The following CDKAL1 variants were observed in gnomAD, a reference collection of about 807,000 sequenced individuals.
The protein encoded by CDKAL1 is CDKAL1 threonylcarbamoyladenosine tRNA methylthiotransferase.
In CDKAL1, 32 loss-of-function variants were observed where a neutral mutation model predicts 68.2. That is an observed-to-expected ratio of 0.47 (90% CI 0.35 to 0.63). CDKAL1 has a LOEUF of 0.63. Among genes scored for constraint, CDKAL1 ranks in the 30% least tolerant of loss-of-function variants. The pLI is 0.00. For missense variants in CDKAL1, 606 were observed against 696.7 expected (o/e 0.87, Z 1.47); for synonymous variants, 234 against 244.3 (o/e 0.96, Z 0.39).
intron 4 of CDKAL1, among the ~76,000 whole-genome samples, chr6:20,560,091 T>C (rs1764209407): frequency 6.6e-6 from 1 of 152,184 alleles, no homozygotes; most frequent in Non-Finnish European, 1.5e-5. Context: ...AAAGACATGA[T>C]GTATTTTTAG....
intron 5 of CDKAL1, among the ~76,000 whole-genome samples, chr6:20,737,624 G>A (rs768300481): frequency 1.3e-5 from 2 of 152,224 alleles, no homozygotes; most frequent in Admixed American, 6.5e-5. Context: ...GTTTGATAAG[G>A]TATTTCACAT....
At chr6:21,009,613 A>G (rs1052609400) in intron 11 of CDKAL1, among the ~76,000 whole-genome samples, 1 of 152,218 alleles carries the variant, frequency 6.6e-6, no homozygotes, top group Non-Finnish European at 1.5e-5. Context: ...CTAAATGTCC[A>G]TCATCAGATG....
chr6:21,130,459 A>C (rs953829213), intron 13 of CDKAL1, among the ~76,000 whole-genome samples: 1 of 152,166 alleles, frequency 6.6e-6, no homozygotes, highest in Non-Finnish European at 1.5e-5. Context: ...TCCTGACCTC[A>C]GGTGATCCAC....
intron 13 of CDKAL1, among the ~76,000 whole-genome samples, chr6:21,177,367 T>C (rs1002547512): frequency 6.6e-6 from 1 of 152,204 alleles, no homozygotes; most frequent in Non-Finnish European, 1.5e-5. Context: ...CCCTTACACA[T>C]ACACACTTAA....
At chr6:21,162,187 GT>G (rs1776956228) in intron 13 of CDKAL1, among the ~76,000 whole-genome samples, 1 of 152,134 alleles carries the variant, frequency 6.6e-6, no homozygotes, top group African/African-American at 2.4e-5. Flanking sequence ...TAGAAGTAAG[GT>G]TTTTAATTTC....
chr6:20,693,613 C>T (rs1310707444), intron 5 of CDKAL1, among the ~76,000 whole-genome samples: 1 of 152,158 alleles, frequency 6.6e-6, no homozygotes, highest in African/African-American at 2.4e-5. Flanking sequence ...TTATATTAGC[C>T]AATGCCTAGC....
At chr6:20,944,719 T>C (rs1259978945) in intron 9 of CDKAL1, among the ~76,000 whole-genome samples, 3 of 152,248 alleles carry the variant, frequency 2.0e-5, no homozygotes, top group African/African-American at 4.8e-5. Flanking sequence ...TATTCCTCTA[T>C]AGAAGCAGAC....
intron 6 of CDKAL1, among the ~76,000 whole-genome samples, chr6:20,743,370 T>G (rs1008870169): frequency 6.6e-5 from 10 of 152,172 alleles, no homozygotes; most frequent in African/African-American, 2.2e-4. Context: ...AAAACTTCCA[T>G]GAGGTGGGGA....
At chr6:21,172,575 C>T (rs969221995) in intron 13 of CDKAL1, among the ~76,000 whole-genome samples, 51 of 152,166 alleles carry the variant, frequency 3.4e-4, no homozygotes, top group African/African-American at 1.1e-3. Context: ...AGCAACATAG[C>T]GAGACTTCTT....
chr6:20,926,963 T>C (rs1347375445), intron 9 of CDKAL1, among the ~76,000 whole-genome samples: 1 of 150,138 alleles, frequency 6.7e-6, no homozygotes, highest in East Asian at 1.9e-4. Flanking sequence ...ATGAATAGAA[T>C]GGCTCTATAG....
intron 12 of CDKAL1, among the ~76,000 whole-genome samples, chr6:21,065,708 C>A (rs1771403086): frequency 7.0e-6 from 1 of 143,342 alleles, no homozygotes; most frequent in Admixed American, 7.1e-5. Flanking sequence ...TCACAACGAG[C>A]CTCAATTTAA....
At chr6:20,892,830 A>C (rs1761477773) in intron 9 of CDKAL1, among the ~76,000 whole-genome samples, 1 of 152,222 alleles carries the variant, frequency 6.6e-6, no homozygotes, top group Admixed American at 6.5e-5. Flanking sequence ...CAGTTGCCTT[A>C]AGCATCTGTC....
At chr6:20,943,328 CAAAA>C (rs34759060) in intron 9 of CDKAL1, among the ~76,000 whole-genome samples, 1 of 51,014 alleles carries the variant, frequency 2.0e-5, no homozygotes, top group Non-Finnish European at 5.5e-5. Context: ...CTTGTTTTTT[CAAAA>C]AAAAAAAAAA....
At chr6:21,207,492 G>C (rs1438039564) in intron 15 of CDKAL1, among the ~76,000 whole-genome samples, 1 of 152,034 alleles carries the variant, frequency 6.6e-6, no homozygotes, top group Admixed American at 6.6e-5. Flanking sequence ...CCCAGCCTGG[G>C]TGAAAGAATG....
At chr6:20,880,930 C>A (rs1760780627) in intron 9 of CDKAL1, among the ~76,000 whole-genome samples, 1 of 152,152 alleles carries the variant, frequency 6.6e-6, no homozygotes, top group Non-Finnish European at 1.5e-5. Context: ...GGCAAGGGAC[C>A]ATCGGCTCTG....
intron 12 of CDKAL1, among the ~76,000 whole-genome samples, chr6:21,099,767 T>C (rs1325655660): frequency 6.6e-6 from 1 of 152,262 alleles, no homozygotes; most frequent in African/African-American, 2.4e-5. Flanking sequence ...TTAGTGCCCT[T>C]TGACTTTGTC....
chr6:21,035,122 C>T (rs1276847069), intron 11 of CDKAL1, among the ~76,000 whole-genome samples: 1 of 152,054 alleles, frequency 6.6e-6, no homozygotes, highest in Non-Finnish European at 1.5e-5. Flanking sequence ...GATATTTGTG[C>T]TTGAGGTTCA....
At chr6:20,807,913 G>A (rs1776641558) in intron 8 of CDKAL1, among the ~76,000 whole-genome samples, 1 of 152,220 alleles carries the variant, frequency 6.6e-6, no homozygotes. Context: ...AAGGGGTGCA[G>A]TGAGGAACTC....
intron 13 of CDKAL1, among the ~76,000 whole-genome samples, chr6:21,149,649 G>A (rs1776317999): frequency 6.6e-6 from 1 of 152,150 alleles, no homozygotes; most frequent in African/African-American, 2.4e-5. Flanking sequence ...GCTAATAAAA[G>A]TAATTGAACG....
Sources: gnomAD v4.1 joint callset for allele counts (sites outside exome capture counted in the v4.1 genomes callset) on GRCh38, gnomAD v4.1.1 for gene constraint, MANE v1.5 for transcripts, NCBI Gene and HGNC (gene_info 2026-07-23, HGNC 2026-07-21) for gene names.